The following KCNN3 variants were observed in gnomAD, a reference collection of about 807,000 sequenced individuals.
KCNN3 encodes the protein potassium calcium-activated channel subfamily N member 3.
KCNN3 carries 16 observed loss-of-function variants against 62.9 expected under a neutral mutation model. That is an observed-to-expected ratio of 0.25 (90% CI 0.17 to 0.39). The LOEUF is 0.39. Among genes scored for constraint, KCNN3 ranks in the 10% least tolerant of loss-of-function variants. The probability of loss-of-function intolerance (pLI) is 1.00; values close to 1 mark genes in which losing one functional copy is unlikely to be tolerated. For synonymous variants in KCNN3, 370 were observed against 389.2 expected (o/e 0.95, Z 0.58); for missense variants, 599 against 949.4 (o/e 0.63, Z 4.85).
At chr1:154,739,609 C>T (rs992721216) in intron 3 of KCNN3, among the ~76,000 whole-genome samples, 6 of 152,206 alleles carry the variant, frequency 3.9e-5, no homozygotes, top group Non-Finnish European at 8.8e-5. Context: ...CACACTTTTG[C>T]AATCCTTTCC....
chr1:154,860,951 GTTTTTTTTTTT>G (rs761437574), intron 1 of KCNN3, among the ~76,000 whole-genome samples: 4 of 112,048 alleles, frequency 3.6e-5, no homozygotes, highest in African/African-American at 1.4e-4. Flanking sequence ...TGCCACCCAA[GTTTTTTTTTTT>G]TTTTTTTTTT....
chr1:154,770,192 G>A (rs1648482321), intron 3 of KCNN3, among the ~76,000 whole-genome samples: 1 of 152,226 alleles, frequency 6.6e-6, no homozygotes, highest in South Asian at 2.1e-4. Flanking sequence ...CTGAATAGGT[G>A]AGCATGGTGT....
At chr1:154,855,957 C>A (rs943185704) in intron 1 of KCNN3, among the ~76,000 whole-genome samples, 1 of 152,164 alleles carries the variant, frequency 6.6e-6, no homozygotes, top group African/African-American at 2.4e-5. Context: ...GCCAAGGGTC[C>A]TTGAGTCAGA....
rs1296454876 is a variant in KCNN3, at chr1:154,809,889, C to G, written c.1029+12200G>C. On this transcript the variant is annotated intron_variant, in intron 2 of 7. Coordinates refer to ENST00000271915, the MANE Select transcript of KCNN3 (RefSeq NM_002249.6). The surrounding 1 kb of genome is among the most constrained non-coding windows in gnomAD (Gnocchi z 4.3). The stretch of plus-strand genomic sequence containing the variant: ...ACAGGCTACCATGAAAGCTAAAAGT[C>G]ACTGGCTGTCTTTGGCTGCAGTAAC... Among the ~76,000 whole-genome samples the G allele has an allele frequency of 6.6e-6, 1 of 152,210 alleles. No individual in the cohort carries two copies. Among genetic ancestry groups the G allele is most frequent in the African/African-American group, 2.4e-5 (1 of 41,446 alleles).
chr1:154,851,267 G>A (rs1324245959), intron 1 of KCNN3, among the ~76,000 whole-genome samples: 5 of 152,040 alleles, frequency 3.3e-5, no homozygotes, highest in South Asian at 2.1e-4. Context: ...GTGAGCCACC[G>A]TGCCCGGCCA....
chr1:154,763,162 C>T (rs957359253), intron 3 of KCNN3, among the ~76,000 whole-genome samples: 1 of 152,030 alleles, frequency 6.6e-6, no homozygotes, highest in African/African-American at 2.4e-5. Context: ...AGTAGTTATT[C>T]TCCATTAAAA....
intron 1 of KCNN3, among the ~76,000 whole-genome samples, chr1:154,863,896 A>C (rs1652862363): frequency 3.3e-5 from 5 of 152,194 alleles, no homozygotes; most frequent in Admixed American, 1.3e-4. Flanking sequence ...ATGACACGCA[A>C]AGGAGAAGCA....
intron 1 of KCNN3, among the ~76,000 whole-genome samples, chr1:154,855,517 A>G (rs1403298949): frequency 6.6e-6 from 1 of 152,158 alleles, no homozygotes; most frequent in East Asian, 1.9e-4. Flanking sequence ...TTAGATACAT[A>G]CTTGCCATTG....
At position 154,783,679 on chromosome 1, in the gene KCNN3, T is replaced by C. The variant is rs1261521739; in HGVS notation, c.1030-11286A>G. ...GAACAGGAACACTGGAGATGGGGGA[T>C]TGTGAGCTGTGGGACTGGAAGGAGA... On this transcript the variant is annotated intron_variant, in intron 2 of 7. Transcript: ENST00000271915. 3.9e-5 allele frequency among the ~76,000 whole-genome samples: 6 copies of C among 152,190 alleles called. No individual in the cohort carries two copies. In the East Asian group the frequency reaches 9.7e-4, roughly 24 times the overall value.
chr1:154,755,166 T>C (rs1647577597), intron 3 of KCNN3, among the ~76,000 whole-genome samples: 1 of 152,168 alleles, frequency 6.6e-6, no homozygotes, highest in African/African-American at 2.4e-5. Context: ...TGTATTACTC[T>C]CCTATTTAAA....
intron 1 of KCNN3, among the ~76,000 whole-genome samples, chr1:154,848,949 T>G (rs1652197268): frequency 6.6e-6 from 1 of 152,192 alleles, no homozygotes; most frequent in African/African-American, 2.4e-5. Flanking sequence ...TGCCACAGAA[T>G]GGGCATCAGT....
At chr1:154,795,329 G>A (rs1649686778) in intron 2 of KCNN3, among the ~76,000 whole-genome samples, 1 of 152,234 alleles carries the variant, frequency 6.6e-6, no homozygotes, top group African/African-American at 2.4e-5. Context: ...CTGACTGCGT[G>A]AAAGAACGCA....
intron 5 of KCNN3, among the ~76,000 whole-genome samples, chr1:154,718,788 T>G (rs756126329): frequency 6.6e-6 from 1 of 152,328 alleles, no homozygotes; most frequent in Non-Finnish European, 1.5e-5. Context: ...ACTACCTGCA[T>G]CTGTGAAATG....
At chr1:154,840,060 C>T (rs1320515050) in intron 1 of KCNN3, among the ~76,000 whole-genome samples, 1 of 151,986 alleles carries the variant, frequency 6.6e-6, no homozygotes, top group East Asian at 1.9e-4. Context: ...TTTGGTTTGT[C>T]TATTTGTCTC....
chr1:154,800,127 T>C (rs919246174), intron 2 of KCNN3, among the ~76,000 whole-genome samples: 4 of 152,218 alleles, frequency 2.6e-5, no homozygotes, highest in African/African-American at 9.6e-5. Context: ...GTCATCATTG[T>C]CATTGTGCTG....
chr1:154,765,852 G>A (rs2101832237), intron 3 of KCNN3, among the ~76,000 whole-genome samples: 1 of 150,442 alleles, frequency 6.6e-6, no homozygotes, highest in Middle Eastern at 3.4e-3. Flanking sequence ...TTGCTGTGTT[G>A]GTCAGGCTGG....
intron 2 of KCNN3, among the ~76,000 whole-genome samples, chr1:154,806,182 T>A (rs1489853662): frequency 6.6e-6 from 1 of 152,168 alleles, no homozygotes; most frequent in African/African-American, 2.4e-5. Flanking sequence ...GTGTTCCTGG[T>A]CACCAGCTAA....
intron 2 of KCNN3, among the ~76,000 whole-genome samples, chr1:154,784,382 C>A (rs1166588248): frequency 6.6e-6 from 1 of 152,212 alleles, no homozygotes; most frequent in African/African-American, 2.4e-5. Context: ...CATCACCTGC[C>A]ACACCCGGTG....
chr1:154,744,642 C>T (rs1426818272), intron 3 of KCNN3, among the ~76,000 whole-genome samples: 4 of 152,134 alleles, frequency 2.6e-5, no homozygotes, highest in Non-Finnish European at 4.4e-5. Context: ...GGTTTTATTC[C>T]CATTCCCAGC....
Sources: allele counts gnomAD v4.1 joint callset (sites outside exome capture counted in the v4.1 genomes callset), GRCh38; gene constraint gnomAD v4.1.1; non-coding constraint Gnocchi (gnomAD v3.1); transcripts MANE v1.5; gene names NCBI Gene and HGNC (gene_info 2026-07-23, HGNC 2026-07-21).